The following ACTR3C variants were observed in gnomAD, a reference collection of about 807,000 sequenced individuals.
The protein encoded by ACTR3C is actin-related protein 3C.
In ACTR3C, 18 loss-of-function variants were observed where a neutral mutation model predicts 26.3. The ratio of observed to expected loss-of-function variants is 0.68; its 90% CI spans 0.47 to 1.01. The LOEUF is 1.01. Ranked by LOEUF, ACTR3C falls within the 50% of genes least tolerant of loss-of-function variation. The pLI is 0.00. For synonymous variants in ACTR3C, 55 were observed against 94.5 expected, an observed-to-expected ratio of 0.58 and a Z score of 2.42; for missense variants, 184 against 250.7, an observed-to-expected ratio of 0.73 and a Z score of 1.80.
chr7:150,120,245 T>C, the ACTR3C span, among the ~76,000 whole-genome samples: 1 of 152,108 alleles, frequency 6.6e-6, no homozygotes, highest in Non-Finnish European at 1.5e-5. Flanking sequence ...AGAGCAGAAC[T>C]GAAGGAGATA....
chr7:149,907,478 T>TCTCTTCTCTCTCCTCTCTCTC, the ACTR3C span, among the ~76,000 whole-genome samples: 2 of 97,606 alleles, frequency 2.0e-5, no homozygotes, highest in African/African-American at 7.2e-5. Context: ...CTCTCTTCTC[T>TCTCTTCTCTCTCCTCTCTCTC]TCTCTCTCTC....
At chr7:149,962,933 A>G in the ACTR3C span, among the ~76,000 whole-genome samples, 4 of 152,158 alleles carry the variant, frequency 2.6e-5, no homozygotes, top group African/African-American at 9.7e-5. Context: ...ACAGTGGAAA[A>G]CCAAATTAGC....
chr7:149,972,206 C>T, the ACTR3C span, among the ~76,000 whole-genome samples: 2 of 152,186 alleles, frequency 1.3e-5, no homozygotes, highest in Non-Finnish European at 1.5e-5. Flanking sequence ...CAGAAAATGG[C>T]GTCCATATTC....
chr7:150,095,629 T>G, the ACTR3C span, among the ~76,000 whole-genome samples: 1 of 150,274 alleles, frequency 6.7e-6, no homozygotes, highest in Non-Finnish European at 1.5e-5. Context: ...TATGCTTTTT[T>G]TTTTTTTTCA....
At chr7:149,948,372 G>C in the ACTR3C span, among the ~76,000 whole-genome samples, 6 of 150,280 alleles carry the variant, frequency 4.0e-5, no homozygotes, top group South Asian at 1.3e-3. Context: ...TTCTCCTTGT[G>C]ACCTCTGTGC....
At chr7:150,110,340 C>T in the ACTR3C span, among the ~76,000 whole-genome samples, 4 of 151,054 alleles carry the variant, frequency 2.6e-5, no homozygotes, top group African/African-American at 7.3e-5. Flanking sequence ...AAGGATGTCT[C>T]GGAGGCATTG....
At chr7:150,320,308 TG>T (rs1344484252) in intron 1 of ACTR3C, among the ~76,000 whole-genome samples, 1 of 152,236 alleles carries the variant, frequency 6.6e-6, no homozygotes, top group Non-Finnish European at 1.5e-5. Context: ...AATGCTTGTT[TG>T]TGTAGGATAT....
chr7:150,323,118 G>A (rs1417053460), intron 1 of ACTR3C: 4 of 186,458 alleles, frequency 2.1e-5, no homozygotes, highest in Non-Finnish European at 4.5e-5. Flanking sequence ...CTCTAAGGCC[G>A]CACCGATAAA....
chr7:149,942,417 T>A, the ACTR3C span, among the ~76,000 whole-genome samples: 1 of 152,084 alleles, frequency 6.6e-6, no homozygotes, highest in Non-Finnish European at 1.5e-5. Context: ...GGCTGTTTTT[T>A]CTGTTTCTTG....
the ACTR3C span, among the ~76,000 whole-genome samples, chr7:150,198,257 G>C: frequency 6.7e-6 from 1 of 149,152 alleles, no homozygotes; most frequent in East Asian, 2.0e-4. Flanking sequence ...GCCTCTGCCC[G>C]GCCGCCACCC....
the ACTR3C span, among the ~76,000 whole-genome samples, chr7:150,116,973 ACAAGGGGTCACGGAACT>A: frequency 6.6e-6 from 1 of 152,046 alleles, no homozygotes; most frequent in Non-Finnish European, 1.5e-5. Flanking sequence ...CTCAGGAAGC[ACAAGGGGTCACGGAACT>A]CCCTCCCCTG....
intron 1 of ACTR3C, among the ~76,000 whole-genome samples, chr7:150,321,954 G>C (rs1024699535): frequency 6.6e-6 from 1 of 152,186 alleles, no homozygotes; most frequent in African/African-American, 2.4e-5. Context: ...CCAGCCCCTT[G>C]AATATGTCCA....
chr7:150,195,148 G>A, the ACTR3C span, among the ~76,000 whole-genome samples: 1 of 149,396 alleles, frequency 6.7e-6, no homozygotes, highest in African/African-American at 2.4e-5. Flanking sequence ...TACTTTCTGT[G>A]AAGTGTAAGG....
At position 150,286,518 on chromosome 7, in the gene ACTR3C, G is replaced by C; in HGVS notation, c.320C>G (p.Pro107Arg). ...AIKEKYCYIC[P>R]DIVKEFAKYD... Reference sequence around the variant, plus strand: ...CTTGGCAAATTCCTTGACTATATCGGGGCAAATGTAACAGTATTTCTCCTG... The same window carrying C: ...CTTGGCAAATTCCTTGACTATATCGCGGCAAATGTAACAGTATTTCTCCTG... Residue 107 changes from proline to arginine, a missense_variant, in exon 5 of 8, where the codon CCC (proline) becomes CGC (arginine). Transcript: ENST00000683684. The C allele has an allele frequency of 6.2e-7, 1 of 1,611,084 alleles. No homozygotes were observed. Among genetic ancestry groups the C allele is most frequent in the Non-Finnish European group, 8.5e-7 (1 of 1,179,716 alleles).
chr7:150,120,363 A>T, the ACTR3C span, among the ~76,000 whole-genome samples: 1 of 152,200 alleles, frequency 6.6e-6, no homozygotes, highest in African/African-American at 2.4e-5. Flanking sequence ...GAAAAGAGAA[A>T]AGAATCAAAT....
At chr7:150,198,453 G>C in the ACTR3C span, among the ~76,000 whole-genome samples, 1 of 140,574 alleles carries the variant, frequency 7.1e-6, no homozygotes, top group Non-Finnish European at 1.5e-5. Flanking sequence ...GTCTCTGCCC[G>C]GCCGCCCATC....
At chr7:150,042,730 A>C in the ACTR3C span, among the ~76,000 whole-genome samples, 1 of 151,714 alleles carries the variant, frequency 6.6e-6, no homozygotes, top group Non-Finnish European at 1.5e-5. Flanking sequence ...AGTTGCTGCC[A>C]AGGCCCTCTA....
the ACTR3C span, among the ~76,000 whole-genome samples, chr7:150,036,179 G>C: frequency 3.4e-5 from 5 of 145,354 alleles, 1 homozygote; most frequent in Non-Finnish European, 7.9e-5. Context: ...CGCGATGGGA[G>C]TCCCAAGAGC....
chr7:149,992,604 C>T, the ACTR3C span, among the ~76,000 whole-genome samples: 5 of 152,192 alleles, frequency 3.3e-5, no homozygotes, highest in Non-Finnish European at 5.9e-5. Context: ...GACGCATCTC[C>T]ACGTGGAGGA....
Sources: gnomAD v4.1 joint callset for allele counts (sites outside exome capture counted in the v4.1 genomes callset) on GRCh38, gnomAD v4.1.1 for gene constraint, MANE v1.5 for transcripts, NCBI Gene and HGNC (gene_info 2026-07-23, HGNC 2026-07-21) for gene names.